The following SMOC2 variants were observed in gnomAD, a reference collection of about 807,000 sequenced individuals.
SMOC2 encodes the protein SPARC-related modular calcium-binding protein 2.
In SMOC2, 39 loss-of-function variants were observed where a neutral mutation model predicts 61.4. The observed-to-expected ratio is 0.64, with a 90% CI of 0.49 to 0.83. The LOEUF is 0.83. SMOC2 is among the 40% of genes least tolerant of loss of function. The pLI, the probability that SMOC2 is intolerant of heterozygous loss-of-function variation, is 0.00. For synonymous variants in SMOC2, 247 were observed against 239.9 expected, an observed-to-expected ratio of 1.03 and a Z score of -0.27; for missense variants, 556 against 592.9, an observed-to-expected ratio of 0.94 and a Z score of 0.65.
At chr6:168,541,774 G>A (rs1235896024) in intron 4 of SMOC2, among the ~76,000 whole-genome samples, 1 of 152,178 alleles carries the variant, frequency 6.6e-6, no homozygotes, top group Non-Finnish European at 1.5e-5. Flanking sequence ...TGAAGAACAA[G>A]ATCAGATTAA....
chr6:168,556,052 C>T lies in SMOC2; in HGVS notation c.637+6849C>T, dbSNP rs540005487. Among the ~76,000 whole-genome samples, 16 of 152,284 alleles carry T rather than the reference C, an allele frequency of 1.1e-4. No homozygotes were observed. In the South Asian group the frequency reaches 3.3e-3, roughly 32 times the overall value. ...GGCAGGCCTGGGGCCTCGGGCCATG[C>T]GGGTCTCAGCCCGAGGCGTCGTCTT... On this transcript the variant is annotated intron_variant, in intron 7 of 12. Transcript: ENST00000356284.
At chr6:168,445,399 G>A (rs1007660298) in intron 1 of SMOC2, among the ~76,000 whole-genome samples, 5 of 152,086 alleles carry the variant, frequency 3.3e-5, no homozygotes, top group African/African-American at 1.2e-4. Flanking sequence ...GTGTTTATTT[G>A]CTTTGAAAGA....
At chr6:168,636,951 C>T (rs1404146014) in intron 9 of SMOC2, among the ~76,000 whole-genome samples, 2 of 133,592 alleles carry the variant, frequency 1.5e-5, no homozygotes, top group South Asian at 2.7e-4. Context: ...CCTCTTCCCT[C>T]CTCTTTCCTC....
intron 1 of SMOC2, among the ~76,000 whole-genome samples, chr6:168,500,179 CGGGAGGCT>C (rs1474414140): frequency 6.6e-6 from 1 of 150,376 alleles, no homozygotes; most frequent in Non-Finnish European, 1.5e-5. Context: ...CACAGCAACT[CGGGAGGCT>C]GAGACAGGAG....
chr6:168,517,586 C>T (rs961061156), intron 2 of SMOC2, among the ~76,000 whole-genome samples: 1 of 152,384 alleles, frequency 6.6e-6, no homozygotes, highest in Non-Finnish European at 1.5e-5. Context: ...GCCGGAGCCA[C>T]GGGTGTCTCA....
intron 7 of SMOC2, among the ~76,000 whole-genome samples, chr6:168,563,186 C>T (rs1028215755): frequency 6.6e-6 from 1 of 152,094 alleles, no homozygotes. Context: ...GTGTTTAACT[C>T]ACACTGATCA....
chr6:168,518,349 C>T (rs1330946147), intron 2 of SMOC2, among the ~76,000 whole-genome samples: 2 of 150,156 alleles, frequency 1.3e-5, no homozygotes, highest in Non-Finnish European at 1.5e-5. Context: ...GGTGTGTGTG[C>T]GTGAGTGCGA....
intron 7 of SMOC2, among the ~76,000 whole-genome samples, chr6:168,565,569 C>T (rs1175995848): frequency 6.6e-6 from 1 of 152,208 alleles, no homozygotes; most frequent in East Asian, 1.9e-4. Flanking sequence ...AATACAGTCA[C>T]ATTCAGAGTT....
At chr6:168,586,959 C>A (rs1039746344) in intron 7 of SMOC2, among the ~76,000 whole-genome samples, 1 of 152,154 alleles carries the variant, frequency 6.6e-6, no homozygotes, top group African/African-American at 2.4e-5. Context: ...ATAGACTTTT[C>A]AAATATGCTC....
intron 1 of SMOC2, among the ~76,000 whole-genome samples, chr6:168,504,740 C>G (rs377339846): frequency 6.6e-6 from 1 of 152,004 alleles, no homozygotes; most frequent in Non-Finnish European, 1.5e-5. Flanking sequence ...ACATTTCTGC[C>G]CTCTGGATTT....
intron 4 of SMOC2, among the ~76,000 whole-genome samples, chr6:168,533,109 C>T (rs1320375579): frequency 6.6e-6 from 1 of 152,092 alleles, no homozygotes; most frequent in East Asian, 1.9e-4. Context: ...TCTGAATTTC[C>T]TCCCCGCTCT....
chr6:168,465,132 T>G (rs765195965), intron 1 of SMOC2, among the ~76,000 whole-genome samples: 10 of 152,282 alleles, frequency 6.6e-5, no homozygotes, highest in Non-Finnish European at 7.3e-5. Flanking sequence ...CCTTGTTTAA[T>G]CCATCACTGG....
intron 8 of SMOC2, among the ~76,000 whole-genome samples, chr6:168,599,401 GACAC>G (rs138442021): frequency 6.8e-5 from 6 of 87,630 alleles, no homozygotes; most frequent in African/African-American, 1.5e-4. Flanking sequence ...CACACACACT[GACAC>G]ACACACATTC....
intron 4 of SMOC2, among the ~76,000 whole-genome samples, chr6:168,539,080 A>G (rs371553627): frequency 1.3e-4 from 20 of 152,202 alleles, no homozygotes; most frequent in African/African-American, 4.8e-4. Flanking sequence ...GTGCTCCCTG[A>G]CACTGACGGG....
chr6:168,580,367 G>A (rs1562360427), intron 7 of SMOC2, among the ~76,000 whole-genome samples: 1 of 152,154 alleles, frequency 6.6e-6, no homozygotes, highest in Admixed American at 6.5e-5. Context: ...GAGAGGGCCT[G>A]GTCCTCAGAC....
At chr6:168,506,379 C>T (rs1583064546) in intron 1 of SMOC2, among the ~76,000 whole-genome samples, 1 of 152,210 alleles carries the variant, frequency 6.6e-6, no homozygotes, top group Non-Finnish European at 1.5e-5. Context: ...TCAGAGGCAA[C>T]ATTTCCTTAA....
intron 7 of SMOC2, among the ~76,000 whole-genome samples, chr6:168,583,654 A>C (rs1175821580): frequency 6.6e-6 from 1 of 152,062 alleles, no homozygotes; most frequent in Non-Finnish European, 1.5e-5. Flanking sequence ...ACACACAAGC[A>C]AATTTGGAGC....
At chr6:168,536,447 G>A (rs961965050) in intron 4 of SMOC2, among the ~76,000 whole-genome samples, 1 of 152,112 alleles carries the variant, frequency 6.6e-6, no homozygotes, top group Non-Finnish European at 1.5e-5. Context: ...CCCAGGGCAC[G>A]GTGCCTGTGA....
At chr6:168,600,912 G>A (rs1366651743) in intron 8 of SMOC2, among the ~76,000 whole-genome samples, 1 of 152,224 alleles carries the variant, frequency 6.6e-6, no homozygotes, top group African/African-American at 2.4e-5. Flanking sequence ...AAGAACAAGA[G>A]CTGTGTGTTC....
Sources: allele counts gnomAD v4.1 joint callset (sites outside exome capture counted in the v4.1 genomes callset), GRCh38; gene constraint gnomAD v4.1.1; transcripts MANE v1.5; gene names NCBI Gene and HGNC (gene_info 2026-07-23, HGNC 2026-07-21).